Variants in ADARB2 observed in about 807,000 individuals in gnomAD.
ADARB2 encodes inactive double-stranded RNA-specific editase B2.
Under a neutral mutation model 62.2 loss-of-function variants are expected in ADARB2, and 25 were observed. That is an observed-to-expected ratio of 0.40 (90% CI 0.29 to 0.56). The LOEUF is 0.56. Among genes scored for constraint, ADARB2 ranks in the 20% least tolerant of loss-of-function variants. The pLI is 0.43. For missense variants in ADARB2, 1,071 were observed against 1,077.4 expected (o/e 0.99, Z 0.08); for synonymous variants, 572 against 500.8 (o/e 1.14, Z -1.90).
chr10:1,429,785 C>G (rs1222284638), intron 1 of ADARB2, among the ~76,000 whole-genome samples: 1 of 152,206 alleles, frequency 6.6e-6, no homozygotes, highest in Non-Finnish European at 1.5e-5. Context: ...CAATCTTTCT[C>G]TTCCTTATCT....
rs200534087 is a variant in ADARB2 at position 1,242,273 on chromosome 10, C to A, written c.1219G>T (p.Val407Leu). 7.6e-6 allele frequency: 12 copies of A among 1,571,714 alleles called. No homozygotes were observed. The highest frequency in any genetic ancestry group is 9.5e-6 in the Non-Finnish European group (11 of 1,160,558). ...CACTTGGTCCCCGAGGACAGGGCCA[C>A]GACCTGCGCCTGCCGAGCATCCAGG... is the stretch of plus-strand genomic sequence containing the variant. Reference protein sequence around the residue: ...KGLDARQAQVVALSSGTKCIS... With the variant: ...KGLDARQAQVLALSSGTKCIS... Residue 407 changes from valine to leucine, a missense_variant, in exon 5 of 10, where the codon GTG (valine) becomes TTG (leucine). Val to Leu is a conservative substitution (Grantham distance 32). Coordinates refer to ENST00000381312, the MANE Select transcript of ADARB2 (RefSeq NM_018702.4).
chr10:1,247,867 G>A (rs1831001271), intron 4 of ADARB2, among the ~76,000 whole-genome samples: 1 of 152,112 alleles, frequency 6.6e-6, no homozygotes, highest in South Asian at 2.1e-4. Flanking sequence ...GTGGTATTTG[G>A]GGCTGTGTCA....
At chr10:1,560,351 T>C (rs1266248593) in intron 1 of ADARB2, among the ~76,000 whole-genome samples, 2 of 152,166 alleles carry the variant, frequency 1.3e-5, no homozygotes, top group African/African-American at 4.8e-5. Context: ...TAACAACTTC[T>C]TTCACCCATC....
In ADARB2 at chr10:1,609,766, G is replaced by T. The variant is rs556172902; in HGVS notation, c.100+127285C>A. Reference sequence around the variant, plus strand: ...GGGCTCTACTGGGCCCGGGTGAGCTGTGTGGCTGCAAAGAGTGTGTCGCCC... The same window carrying T: ...GGGCTCTACTGGGCCCGGGTGAGCTTTGTGGCTGCAAAGAGTGTGTCGCCC... On this transcript the variant is annotated intron_variant, in intron 1 of 9. Transcript: ENST00000381312. Among the ~76,000 whole-genome samples, 18 of 152,358 alleles carry T rather than the reference G, an allele frequency of 1.2e-4. No homozygotes were observed. The South Asian group carries it at 1.4e-3, about 12-fold the overall frequency.
chr10:1,490,887 G>GT (rs1217473596), intron 1 of ADARB2, among the ~76,000 whole-genome samples: 2 of 152,148 alleles, frequency 1.3e-5, no homozygotes, highest in Non-Finnish European at 2.9e-5. Context: ...AACTACATAC[G>GT]TCAGCAGATA....
intron 7 of ADARB2, among the ~76,000 whole-genome samples, chr10:1,212,522 C>CG (rs1209532188): frequency 6.6e-6 from 1 of 152,204 alleles, no homozygotes; most frequent in Non-Finnish European, 1.5e-5. Context: ...CTGTCATTGT[C>CG]GGGACCATGG....
At chr10:1,642,798 G>C (rs1413307247) in intron 1 of ADARB2, among the ~76,000 whole-genome samples, 1 of 151,750 alleles carries the variant, frequency 6.6e-6, no homozygotes, top group East Asian at 1.9e-4. Context: ...CTCACACTCA[G>C]TATTCAGACA....
chr10:1,546,413 C>T (rs979829370), intron 1 of ADARB2, among the ~76,000 whole-genome samples: 1 of 152,198 alleles, frequency 6.6e-6, no homozygotes, highest in African/African-American at 2.4e-5. Context: ...CCACTGTTGA[C>T]CAGCTCTAAA....
At chr10:1,323,875 C>T (rs1246629710) in intron 3 of ADARB2, among the ~76,000 whole-genome samples, 1 of 152,070 alleles carries the variant, frequency 6.6e-6, no homozygotes, top group Non-Finnish European at 1.5e-5. Flanking sequence ...CCAAAAGCAC[C>T]ATCCATAAAA....
intron 1 of ADARB2, among the ~76,000 whole-genome samples, chr10:1,639,858 CAAAGCAAAACA>C (rs1833958620): frequency 1.5e-5 from 2 of 137,362 alleles, no homozygotes; most frequent in South Asian, 2.4e-4. Context: ...CAAAACAAAA[CAAAGCAAAACA>C]AAACAAACAA....
At chr10:1,512,024 A>G (rs1468432891) in intron 1 of ADARB2, among the ~76,000 whole-genome samples, 7 of 151,998 alleles carry the variant, frequency 4.6e-5, no homozygotes, top group Non-Finnish European at 1.0e-4. Flanking sequence ...CAAGAGGTCA[A>G]TGCTGTCTAC....
intron 8 of ADARB2, among the ~76,000 whole-genome samples, chr10:1,197,617 G>A (rs775871018): frequency 2.6e-5 from 4 of 152,162 alleles, no homozygotes; most frequent in Non-Finnish European, 5.9e-5. Flanking sequence ...AACAAGTCAT[G>A]GTTCTAACAA....
chr10:1,202,558 G>A (rs1448340315), intron 7 of ADARB2, among the ~76,000 whole-genome samples: 1 of 152,176 alleles, frequency 6.6e-6, no homozygotes, highest in African/African-American at 2.4e-5. Context: ...ACCAAAGGCT[G>A]GGAGGAAATT....
intron 4 of ADARB2, among the ~76,000 whole-genome samples, chr10:1,261,590 C>G (rs1207183768): frequency 6.7e-6 from 1 of 149,846 alleles, no homozygotes; most frequent in Non-Finnish European, 1.5e-5. Flanking sequence ...CAAATCAAAA[C>G]CACAATGAGA....
chr10:1,643,378 T>C (rs1834000791), intron 1 of ADARB2, among the ~76,000 whole-genome samples: 1 of 152,226 alleles, frequency 6.6e-6, no homozygotes, highest in Non-Finnish European at 1.5e-5. Flanking sequence ...CTCACTTTCA[T>C]ACCAGATGAG....
At chr10:1,429,750 T>C (rs1241170428) in intron 1 of ADARB2, among the ~76,000 whole-genome samples, 1 of 152,226 alleles carries the variant, frequency 6.6e-6, no homozygotes, top group East Asian at 1.9e-4. Flanking sequence ...TACCTGATTT[T>C]AGGAATCCTG....
chr10:1,430,852 T>C (rs1214173687), intron 1 of ADARB2, among the ~76,000 whole-genome samples: 2 of 152,228 alleles, frequency 1.3e-5, no homozygotes, highest in African/African-American at 2.4e-5. Flanking sequence ...ATCAATCCAC[T>C]GGGAAGACAT....
intron 3 of ADARB2, among the ~76,000 whole-genome samples, chr10:1,273,286 G>A (rs1000159889): frequency 6.6e-6 from 1 of 152,114 alleles, no homozygotes; most frequent in African/African-American, 2.4e-5. Flanking sequence ...TTTGAGACAG[G>A]GTTTCTCTCT....
chr10:1,390,943 A>G (rs1484668009), intron 1 of ADARB2, among the ~76,000 whole-genome samples: 1 of 152,224 alleles, frequency 6.6e-6, no homozygotes, highest in Non-Finnish European at 1.5e-5. Flanking sequence ...TCAGCAAACT[A>G]CAGAAAAAAC....
Sources: gnomAD v4.1 joint callset for allele counts (sites outside exome capture counted in the v4.1 genomes callset) on GRCh38, gnomAD v4.1.1 for gene constraint, MANE v1.5 for transcripts, NCBI Gene and HGNC (gene_info 2026-07-23, HGNC 2026-07-21) for gene names.